Variants in FIG4 observed in about 807,000 individuals in gnomAD.
The protein encoded by FIG4 is FIG4 phosphoinositide 5-phosphatase, also known as polyphosphoinositide phosphatase.
A neutral mutation model predicts 118.6 loss-of-function variants in FIG4; 112 were observed. The ratio of observed to expected loss-of-function variants is 0.94; its 90% CI spans 0.81 to 1.11. FIG4 has a LOEUF of 1.11. FIG4 is among the 50% of genes least tolerant of loss of function. The probability of loss-of-function intolerance (pLI) is 0.00; values close to 1 mark genes in which losing one functional copy is unlikely to be tolerated. For missense variants in FIG4, 969 were observed against 1,111.7 expected (o/e 0.87, Z 1.83); for synonymous variants, 369 against 381.2 (o/e 0.97, Z 0.37).
At chr6:109,778,800 T>C (rs752926374) in intron 16 of FIG4, among the ~76,000 whole-genome samples, 66 of 152,140 alleles carry the variant, frequency 4.3e-4, no homozygotes, top group Middle Eastern at 3.4e-3. Flanking sequence ...GGGGTTTCAC[T>C]GTGTTAGCTA....
At chr6:109,734,028 C>A (rs1045464284) in intron 5 of FIG4, among the ~76,000 whole-genome samples, 1 of 151,552 alleles carries the variant, frequency 6.6e-6, no homozygotes, top group Non-Finnish European at 1.5e-5. Flanking sequence ...AATCAGAAAC[C>A]AACTTCTTAA....
At chr6:109,726,203 C>T (rs869152555) in intron 3 of FIG4, among the ~76,000 whole-genome samples, 13 of 151,934 alleles carry the variant, frequency 8.6e-5, no homozygotes, top group African/African-American at 4.8e-5. Context: ...GTATTGCCTA[C>T]GTTTTCTTCT....
intron 10 of FIG4, among the ~76,000 whole-genome samples, chr6:109,759,207 C>T (rs1012293959): frequency 6.6e-5 from 10 of 152,102 alleles, no homozygotes; most frequent in African/African-American, 2.4e-4. Context: ...AACGGCCCAT[C>T]AATGATGGAC....
intron 10 of FIG4, among the ~76,000 whole-genome samples, chr6:109,757,634 A>T (rs551569106): frequency 1.8e-3 from 277 of 152,336 alleles, no homozygotes; most frequent in African/African-American, 6.4e-3. Context: ...AAGAGAAAGA[A>T]ATAAGGGGTA....
intron 22 of FIG4, among the ~76,000 whole-genome samples, chr6:109,814,728 A>G (rs1042187204): frequency 1.3e-5 from 2 of 152,104 alleles, no homozygotes; most frequent in Admixed American, 6.5e-5. Flanking sequence ...TTCTTTGGAT[A>G]TGTCCTCATC....
At chr6:109,730,009 T>A (rs1405768893) in intron 4 of FIG4, among the ~76,000 whole-genome samples, 1 of 152,052 alleles carries the variant, frequency 6.6e-6, no homozygotes, top group Non-Finnish European at 1.5e-5. Context: ...TGGATGAGTC[T>A]TGATATCTTG....
chr6:109,724,916 A>G (rs1198136051), intron 3 of FIG4, among the ~76,000 whole-genome samples: 1 of 151,796 alleles, frequency 6.6e-6, no homozygotes, highest in Non-Finnish European at 1.5e-5. Context: ...CAGCAGTGTT[A>G]ACTGTATGCA....
At chr6:109,720,571 A>G (rs1562644997) in intron 3 of FIG4, among the ~76,000 whole-genome samples, 1 of 152,168 alleles carries the variant, frequency 6.6e-6, no homozygotes, top group Non-Finnish European at 1.5e-5. Flanking sequence ...GCAGACCAAC[A>G]CCACATGTGA....
At chr6:109,790,218 A>G (rs911213850) in intron 19 of FIG4, among the ~76,000 whole-genome samples, 14 of 152,194 alleles carry the variant, frequency 9.2e-5, no homozygotes, top group Admixed American at 2.6e-4. Context: ...GCCTAGTCTC[A>G]GTGACAGATT....
At chr6:109,743,323 T>C (rs1294649939) in intron 9 of FIG4, 51 bp downstream of exon 9, 4 of 1,542,440 alleles carry the variant, frequency 2.6e-6, no homozygotes, top group Non-Finnish European at 3.6e-6. Flanking sequence ...CATTTAGAGA[T>C]AATGAACTGT....
intron 10 of FIG4, among the ~76,000 whole-genome samples, chr6:109,756,933 AC>A (rs1245435299): frequency 2.0e-5 from 3 of 151,896 alleles, no homozygotes; most frequent in Non-Finnish European, 4.4e-5. Context: ...TCCTTTCTCA[AC>A]TCGTCAAAGT....
intron 10 of FIG4, among the ~76,000 whole-genome samples, chr6:109,750,766 GC>G (rs1459056828): frequency 6.6e-6 from 1 of 152,090 alleles, no homozygotes; most frequent in Non-Finnish European, 1.5e-5. Context: ...GACAGACAAT[GC>G]ATACAGCAGA....
At chr6:109,733,929 A>T (rs1048371297) in intron 5 of FIG4, among the ~76,000 whole-genome samples, 2 of 152,006 alleles carry the variant, frequency 1.3e-5, no homozygotes, top group Non-Finnish European at 2.9e-5. Context: ...TTTGTGCCTC[A>T]TAAGTAGGCT....
chr6:109,723,916 C>T (rs114540981), intron 3 of FIG4, among the ~76,000 whole-genome samples: 508 of 152,250 alleles, frequency 3.3e-3, no homozygotes, highest in African/African-American at 0.012. Context: ...GGCCCAGTCA[C>T]ACTGTTTCCC....
Position 109,792,647 on chromosome 6 carries a change from T to C in FIG4, c.2442T>C (p.Asp814=). ...INLSDGLSEE[D]FSIYSRFVQL... ...TCTCAGATGGCCTCTCAGAAGAAGA[T>C]TTCTCCATTTATTCAAGGTGAGATA... The change falls in exon 21 of 23, where the codon GAT becomes GAC. Residue 814 remains aspartate (D), a synonymous_variant. Coordinates refer to ENST00000230124, the MANE Select transcript of FIG4 (RefSeq NM_014845.6). 33 of 1,583,846 alleles carry C rather than the reference T, an allele frequency of 2.1e-5. No individual in the cohort carries two copies. Among genetic ancestry groups the C allele is most frequent in the Non-Finnish European group, 2.9e-5 (33 of 1,152,644 alleles).
chr6:109,731,334 C>T (rs981791687), intron 4 of FIG4, among the ~76,000 whole-genome samples: 4 of 152,100 alleles, frequency 2.6e-5, no homozygotes, highest in South Asian at 2.1e-4. Flanking sequence ...TTCTTGTTTC[C>T]GTGTATCTGC....
chr6:109,784,369 G>T (rs80271430), intron 16 of FIG4, among the ~76,000 whole-genome samples: 3 of 152,166 alleles, frequency 2.0e-5, no homozygotes, highest in East Asian at 3.9e-4. Flanking sequence ...ACTCTGACTA[G>T]CTTCTGTAAT....
At chr6:109,753,298 C>T (rs956005358) in intron 10 of FIG4, among the ~76,000 whole-genome samples, 11 of 152,040 alleles carry the variant, frequency 7.2e-5, no homozygotes, top group African/African-American at 2.7e-4. Context: ...TTCCATTGAT[C>T]TATATCTCTG....
At chr6:109,728,338 T>G (rs1775882953) in intron 4 of FIG4, among the ~76,000 whole-genome samples, 1 of 152,200 alleles carries the variant, frequency 6.6e-6, no homozygotes, top group Admixed American at 6.5e-5. Flanking sequence ...TTTTCCTGTA[T>G]ATCTGAAATG....
Sources: allele counts gnomAD v4.1 joint callset (sites outside exome capture counted in the v4.1 genomes callset), GRCh38; gene constraint gnomAD v4.1.1; transcripts MANE v1.5; gene names NCBI Gene and HGNC (gene_info 2026-07-23, HGNC 2026-07-21).